The following SLC25A48 variants were observed in gnomAD, a reference collection of about 807,000 sequenced individuals.
SLC25A48 encodes solute carrier family 25 member 48.
A neutral mutation model predicts 32.2 loss-of-function variants in SLC25A48; 29 were observed. The observed-to-expected ratio is 0.90, with a 90% CI of 0.67 to 1.23. The LOEUF (loss-of-function observed/expected upper bound fraction) is 1.23. SLC25A48 is among the 50% of genes most tolerant of loss of function. The pLI is 0.00. For missense variants in SLC25A48, 399 were observed against 422.7 expected, an observed-to-expected ratio of 0.94 and a Z score of 0.49; for synonymous variants, 164 against 172.3, an observed-to-expected ratio of 0.95 and a Z score of 0.38.
intron 3 of SLC25A48, among the ~76,000 whole-genome samples, chr5:135,646,911 A>G (rs1324952599): frequency 1.3e-5 from 2 of 151,628 alleles, no homozygotes; most frequent in East Asian, 1.9e-4. Flanking sequence ...TATAGCTGAT[A>G]ATACTATATT....
intron 3 of SLC25A48, among the ~76,000 whole-genome samples, chr5:135,806,197 T>C (rs114071238): frequency 6.6e-6 from 1 of 151,696 alleles, no homozygotes; most frequent in Admixed American, 6.6e-5. Flanking sequence ...ATATGATTCA[T>C]AATATCTAGA....
intron 3 of SLC25A48, among the ~76,000 whole-genome samples, chr5:135,712,083 G>A (rs1191186778): frequency 6.6e-6 from 1 of 152,172 alleles, no homozygotes; most frequent in Non-Finnish European, 1.5e-5. Flanking sequence ...TGGAATCAGA[G>A]CATCTTTTGT....
intron 6 of SLC25A48, chr5:135,875,583 G>T (rs953462096): frequency 6.6e-6 from 1 of 152,228 alleles, no homozygotes; most frequent in East Asian, 1.9e-4. Context: ...ATTTGATGAA[G>T]GCTTCTAGGG....
At chr5:135,652,163 C>T (rs35997950) in intron 3 of SLC25A48, among the ~76,000 whole-genome samples, 1,543 of 152,302 alleles carry the variant, frequency 0.01, 15 homozygotes, top group Non-Finnish European at 0.017. Flanking sequence ...AAAGGCTGTA[C>T]TAATACTATA....
At chr5:135,638,435 T>G (rs1752757029) in intron 3 of SLC25A48, among the ~76,000 whole-genome samples, 1 of 152,216 alleles carries the variant, frequency 6.6e-6, no homozygotes, top group Non-Finnish European at 1.5e-5. Context: ...GTTCTTCATT[T>G]GTAGCCAACA....
intron 3 of SLC25A48, among the ~76,000 whole-genome samples, chr5:135,731,018 G>A (rs1447642234): frequency 3.3e-5 from 5 of 152,228 alleles, no homozygotes; most frequent in South Asian, 2.1e-4. Context: ...TCCATGTGAA[G>A]AGACCACAAA....
In SLC25A48 at chr5:135,717,457, G is replaced by A. The variant is rs1185795098; in HGVS notation, c.-521+82501G>A. On this transcript the variant is annotated intron_variant, in intron 3 of 10. Transcript: ENST00000646290. ...GACCGAATTTGCCCCCAAAAGATAT[G>A]GAATCCTAACCCCAGTACCTGTGAA... is the stretch of plus-strand genomic sequence containing the variant. Among the ~76,000 whole-genome samples the A allele has an allele frequency of 2.6e-5, 4 of 152,148 alleles. No individual in the cohort carries two copies. In the South Asian group the frequency reaches 6.2e-4, roughly 24 times the overall value.
At chr5:135,580,931 T>C (rs951379893) in intron 1 of SLC25A48, among the ~76,000 whole-genome samples, 13 of 152,142 alleles carry the variant, frequency 8.5e-5, no homozygotes, top group Admixed American at 5.9e-4. Flanking sequence ...AATAGCTCCC[T>C]TAATGGTTTC....
chr5:135,774,773 T>G (rs1354958419), intron 3 of SLC25A48, among the ~76,000 whole-genome samples: 2 of 151,068 alleles, frequency 1.3e-5, no homozygotes, highest in African/African-American at 4.9e-5. Flanking sequence ...GATCATAATA[T>G]CCAGAGGAGA....
At chr5:135,626,235 T>A (rs916409229) in intron 1 of SLC25A48, among the ~76,000 whole-genome samples, 1 of 152,250 alleles carries the variant, frequency 6.6e-6, no homozygotes, top group African/African-American at 2.4e-5. Context: ...TTATTTAAAG[T>A]GACAAATTCC....
chr5:135,752,427 G>C (rs1367101467), intron 3 of SLC25A48, among the ~76,000 whole-genome samples: 1 of 152,050 alleles, frequency 6.6e-6, no homozygotes, highest in Non-Finnish European at 1.5e-5. Flanking sequence ...CAAAAATTAG[G>C]AGTAATATCT....
intron 3 of SLC25A48, among the ~76,000 whole-genome samples, chr5:135,777,483 A>G (rs1254609175): frequency 4.0e-5 from 6 of 151,372 alleles, no homozygotes; most frequent in Non-Finnish European, 8.8e-5. Flanking sequence ...TGTTTCTAAT[A>G]TCCAGGGGGG....
chr5:135,707,942 G>A (rs1300480566), intron 3 of SLC25A48, among the ~76,000 whole-genome samples: 1 of 152,156 alleles, frequency 6.6e-6, no homozygotes, highest in Non-Finnish European at 1.5e-5. Context: ...AGGGATGGAT[G>A]GATGGATCGA....
chr5:135,743,524 C>A (rs1017308552), intron 3 of SLC25A48, among the ~76,000 whole-genome samples: 3 of 152,192 alleles, frequency 2.0e-5, no homozygotes, highest in Admixed American at 6.5e-5. Context: ...GGGTGAGAAA[C>A]CCTGATAGAT....
At position 135,871,529 on chromosome 5, in the gene SLC25A48, T is replaced by C; in HGVS notation, c.490T>C (p.Cys164Arg). 2 of 1,613,638 alleles carry C rather than the reference T, an allele frequency of 1.2e-6. No homozygotes were observed. Among genetic ancestry groups the C allele is most frequent in the Non-Finnish European group, 1.7e-6 (2 of 1,179,592 alleles). Residue 164 changes from cysteine to arginine, a missense_variant, in exon 5 of 8, where the codon TGC (cysteine) becomes CGC (arginine). Cys to Arg is a radical substitution (Grantham distance 180). Transcript: ENST00000681962. Reference protein sequence around the residue: ...EQPAYQGPVHCITTIVRNEGL... With the variant: ...EQPAYQGPVHRITTIVRNEGL... ...GCCAGCATACCAGGGGCCAGTGCAC[T>C]GCATTACAACCATTGTGAGGAATGA...
At chr5:135,793,380 G>A (rs540743906) in intron 3 of SLC25A48, among the ~76,000 whole-genome samples, 15 of 150,272 alleles carry the variant, frequency 1.0e-4, no homozygotes, top group East Asian at 9.7e-4. Context: ...GATATTATTC[G>A]TAGTATTTTG....
intron 4 of SLC25A48, among the ~76,000 whole-genome samples, chr5:135,820,452 G>T (rs1232973853): frequency 6.6e-6 from 1 of 152,182 alleles, no homozygotes; most frequent in Non-Finnish European, 1.5e-5. Flanking sequence ...TAATTCAGAG[G>T]TTGTTATTTG....
At chr5:135,750,705 T>C (rs1452298058) in intron 3 of SLC25A48, among the ~76,000 whole-genome samples, 1 of 152,052 alleles carries the variant, frequency 6.6e-6, no homozygotes, top group Non-Finnish European at 1.5e-5. Context: ...CCCCAGGTGG[T>C]AGACTGGTAG....
intron 3 of SLC25A48, among the ~76,000 whole-genome samples, chr5:135,763,992 C>T (rs946293051): frequency 6.6e-6 from 1 of 152,186 alleles, no homozygotes; most frequent in Non-Finnish European, 1.5e-5. Context: ...CCTGCCTCAG[C>T]CTCCCGAGTG....
Sources: allele counts gnomAD v4.1 joint callset (sites outside exome capture counted in the v4.1 genomes callset), GRCh38; gene constraint gnomAD v4.1.1; transcripts MANE v1.5; gene names NCBI Gene and HGNC (gene_info 2026-07-23, HGNC 2026-07-21).